The following RAB3D variants were observed in gnomAD, a reference collection of about 807,000 sequenced individuals.
RAB3D encodes ras-related protein Rab-3D.
In RAB3D, 17 loss-of-function variants were observed where a neutral mutation model predicts 19.3. The ratio of observed to expected loss-of-function variants is 0.88; its 90% confidence interval spans 0.60 to 1.32. The LOEUF (loss-of-function observed/expected upper bound fraction) is 1.32. Ranked by LOEUF, RAB3D falls within the 40% of genes most tolerant of loss-of-function variation. RAB3D has a pLI of 0.00. For missense variants in RAB3D, 223 were observed against 299.1 expected (o/e 0.75, Z 1.88); for synonymous variants, 103 against 119.9 (o/e 0.86, Z 0.92).
At chr19:11,329,129 T>C (rs745685882) in intron 4 of RAB3D, among the ~76,000 whole-genome samples, 26 of 151,302 alleles carry the variant, frequency 1.7e-4, no homozygotes, top group Non-Finnish European at 3.7e-4. Context: ...ATGTTGCCCA[T>C]GCTGGTCTCT....
chr19:11,336,041 C>G (rs145636206), intron 2 of RAB3D, among the ~76,000 whole-genome samples: 1 of 152,296 alleles, frequency 6.6e-6, no homozygotes, highest in African/African-American at 2.4e-5. Context: ...TGAGGGGTTC[C>G]AAGTCTCAGG....
intron 1 of RAB3D, among the ~76,000 whole-genome samples, chr19:11,338,093 C>T (rs1233468653): frequency 6.6e-6 from 1 of 152,178 alleles, no homozygotes; most frequent in African/African-American, 2.4e-5. Flanking sequence ...ACGTTCCTTC[C>T]AGTGGGAAGG....
chr19:11,334,624 A>T (rs182844015), intron 4 of RAB3D, among the ~76,000 whole-genome samples: 27 of 151,444 alleles, frequency 1.8e-4, no homozygotes, highest in Admixed American at 1.7e-3. Flanking sequence ...CCCTATCTCC[A>T]CGCAAAATTA....
intron 4 of RAB3D, among the ~76,000 whole-genome samples, chr19:11,333,049 A>G (rs1401729859): frequency 6.6e-6 from 1 of 151,656 alleles, no homozygotes; most frequent in Non-Finnish European, 1.5e-5. Context: ...CAAAAGAATG[A>G]GCCAGCTCTG....
chr19:11,326,857 G>A (rs892728293), intron 4 of RAB3D: 24 of 633,496 alleles, frequency 3.8e-5, no homozygotes, highest in East Asian at 1.5e-4. Flanking sequence ...CGATCCCCCC[G>A]CCTAGGCCTC....
At chr19:11,333,754 C>T (rs543047604) in intron 4 of RAB3D, among the ~76,000 whole-genome samples, 31 of 151,340 alleles carry the variant, frequency 2.0e-4, no homozygotes, top group African/African-American at 7.3e-4. Context: ...AGTGCAGTGG[C>T]GTGATATCGG....
Position 11,325,588 on chromosome 19 carries a change from G to A in RAB3D, c.473-3C>T, listed in dbSNP as rs776175070. ...ACTGGCTTCAAAGAACTCGAAACCT[G>A]GATGAATGTTAAGGTGGGGACACTC... On this transcript the variant is annotated splice_region_variant and splice_polypyrimidine_tract_variant and intron_variant, in intron 4 of 4. Coordinates refer to ENST00000222120, the MANE Select transcript of RAB3D (RefSeq NM_004283.4). The A allele has an allele frequency of 6.2e-7, 1 of 1,601,184 alleles. No individual in the cohort carries two copies. The highest frequency in any genetic ancestry group is 8.5e-7 in the Non-Finnish European group (1 of 1,175,750).
intron 4 of RAB3D, among the ~76,000 whole-genome samples, chr19:11,329,626 A>ACT (rs746148643): frequency 0.054 from 8,181 of 151,974 alleles, 328 homozygotes; most frequent in African/African-American, 0.12. Flanking sequence ...AAATAAAACA[A>ACT]AAGAAAAGAA....
chr19:11,329,500 G>A (rs1380369616), intron 4 of RAB3D, among the ~76,000 whole-genome samples: 4 of 151,758 alleles, frequency 2.6e-5, no homozygotes, highest in African/African-American at 7.2e-5. Context: ...CCAGCTGTTC[G>A]GGAGGCTGAG....
chr19:11,328,991 G>A (rs897188175), intron 4 of RAB3D, among the ~76,000 whole-genome samples: 4 of 149,010 alleles, frequency 2.7e-5, no homozygotes, highest in African/African-American at 7.5e-5. Flanking sequence ...GAGTGCAGTG[G>A]TATAATCATA....
chr19:11,330,533 G>C (rs1280835651), intron 4 of RAB3D, among the ~76,000 whole-genome samples: 1 of 151,998 alleles, frequency 6.6e-6, no homozygotes, highest in Non-Finnish European at 1.5e-5. Context: ...CAGACAACAT[G>C]GCAAGACCTA....
intron 4 of RAB3D, among the ~76,000 whole-genome samples, chr19:11,330,517 T>A (rs977687059): frequency 1.3e-5 from 2 of 151,968 alleles, no homozygotes; most frequent in African/African-American, 4.8e-5. Context: ...GAGTTCAAGA[T>A]CAGCCCAGAC....
At chr19:11,327,349 C>T (rs951812558) in intron 4 of RAB3D, among the ~76,000 whole-genome samples, 1 of 152,198 alleles carries the variant, frequency 6.6e-6, no homozygotes, top group African/African-American at 2.4e-5. Context: ...CTGGGCAAAT[C>T]TGGTGTTTCC....
At position 11,325,451 on chromosome 19, in the gene RAB3D, C is replaced by T. The variant is rs1475667217; in HGVS notation, c.607G>A (p.Gly203Ser). The T allele has an allele frequency of 6.8e-6, 11 of 1,610,556 alleles. No individual in the cohort carries two copies. The highest frequency in any genetic ancestry group is 2.2e-5 in the South Asian group (2 of 91,038). Residue 203 changes from glycine to serine, a missense_variant, in exon 5 of 5, where the codon GGC becomes AGC. Physicochemically the swap from Gly to Ser is moderately conservative, Grantham distance 56. Coordinates refer to ENST00000222120, the MANE Select transcript of RAB3D (RefSeq NM_004283.4). ...GCTGGAGCATCCCCCACGGCCGGGCCTTTCCCGTTGCTGCCTGAGCTGGAG... is the reference window on the plus strand; with the variant it reads ...GCTGGAGCATCCCCCACGGCCGGGCTTTTCCCGTTGCTGCCTGAGCTGGAG... ...PSSSSGSNGKGPAVGDAPAPQ... is the reference protein window; with the variant it reads ...PSSSSGSNGKSPAVGDAPAPQ...
rs773112600 is a variant in RAB3D, at chr19:11,325,383, G to A, written c.*15C>T. 1.3e-6 allele frequency: 2 copies of A among 1,510,360 alleles called. No homozygotes were observed. The highest frequency in any genetic ancestry group is 8.9e-7 in the Non-Finnish European group (1 of 1,125,224). The allele number at this position is 1,510,360 out of a possible 1,614,324, so 93.6% of individuals were successfully genotyped here. A position where few individuals can be genotyped will look rare whatever the true frequency, so the allele number is the denominator to read the frequency against. On this transcript the variant is annotated 3_prime_UTR_variant, in exon 5 of 5. Coordinates refer to ENST00000222120, the MANE Select transcript of RAB3D (RefSeq NM_004283.4). ...CGAGGCAGGAGAGGGGTGGGTGGGG[G>A]GTTGGGGGCCATCTCTAGCAGCTGC...
rs1448595116 is a variant in RAB3D, at chr19:11,322,393, G to C, written c.*3005C>G. On this transcript the variant is annotated 3_prime_UTR_variant, in exon 5 of 5. Transcript: ENST00000222120. ...AGAACTCCAAACCCCTGTGGTCATG[G>C]CAATTTCCCATCAAAACTGCCCATG... is the stretch of plus-strand genomic sequence containing the variant. The C allele has an allele frequency of 6.6e-6, 1 of 152,044 alleles. No homozygotes were observed. The highest frequency in any genetic ancestry group is 1.5e-5 in the Non-Finnish European group (1 of 68,000). The allele number at this position is 152,044 out of a possible 1,614,324, so 9.4% of individuals were successfully genotyped here. A position where few individuals can be genotyped will look rare whatever the true frequency, so the allele number is the denominator to read the frequency against.
At chr19:11,332,216 G>C (rs1324229279) in intron 4 of RAB3D, among the ~76,000 whole-genome samples, 2 of 151,980 alleles carry the variant, frequency 1.3e-5, no homozygotes, top group Non-Finnish European at 2.9e-5. Flanking sequence ...ATTTTTAGTA[G>C]AGATGAGGTT....
At chr19:11,336,863 G>A (rs757001900) in intron 2 of RAB3D, among the ~76,000 whole-genome samples, 16 of 151,572 alleles carry the variant, frequency 1.1e-4, no homozygotes, top group Non-Finnish European at 1.9e-4. Flanking sequence ...CCAGCTACTC[G>A]GGAGACTGAG....
chr19:11,326,716 G>T (rs562649810), intron 4 of RAB3D: 2 of 681,556 alleles, frequency 2.9e-6, no homozygotes, highest in Non-Finnish European at 5.3e-6. Context: ...CGATCCTCCC[G>T]CCTTGGCCCC....
Sources: allele counts gnomAD v4.1 joint callset (sites outside exome capture counted in the v4.1 genomes callset), GRCh38; gene constraint gnomAD v4.1.1; transcripts MANE v1.5; gene names NCBI Gene and HGNC (gene_info 2026-07-23, HGNC 2026-07-21).